Variants in KMO observed in about 807,000 individuals in gnomAD.
The protein encoded by KMO is kynurenine 3-hydroxylase.
Under a neutral mutation model 57.8 loss-of-function variants are expected in KMO, and 24 were observed. That is an observed-to-expected ratio of 0.42 (90% CI 0.30 to 0.58). KMO has a LOEUF of 0.58. Among genes scored for constraint, KMO ranks in the 20% least tolerant of loss-of-function variants. The probability of loss-of-function intolerance (pLI) is 0.22; values close to 1 mark genes in which losing one functional copy is unlikely to be tolerated. For missense variants in KMO, 483 were observed against 588.2 expected, an observed-to-expected ratio of 0.82 and a Z score of 1.85; for synonymous variants, 210 against 193.6, an observed-to-expected ratio of 1.08 and a Z score of -0.70.
chr1:241,554,222 TTTTCTTTCCTTCCTTCC>T (rs1661516248), intron 4 of KMO, among the ~76,000 whole-genome samples: 1 of 126,444 alleles, frequency 7.9e-6, no homozygotes, highest in Middle Eastern at 4.0e-3. Context: ...TACATAATAC[TTTTCTTTCCTTCCTTCC>T]TTCCTTCCTT....
intron 10 of KMO, 177 bp from the exon 11 acceptor site, chr1:241,586,502 G>C (rs761465474): frequency 1.7e-6 from 1 of 593,534 alleles, no homozygotes. Context: ...GTCCAGGCCC[G>C]ATGGTCATTT....
At chr1:241,577,845 C>G (rs1662587746) in intron 10 of KMO, among the ~76,000 whole-genome samples, 1 of 152,094 alleles carries the variant, frequency 6.6e-6, no homozygotes, top group Non-Finnish European at 1.5e-5. Flanking sequence ...TGGGGGAGCT[C>G]TCAGTGAAAC....
At chr1:241,564,631 C>T (rs1662005591) in intron 7 of KMO, among the ~76,000 whole-genome samples, 1 of 151,924 alleles carries the variant, frequency 6.6e-6, no homozygotes, top group Non-Finnish European at 1.5e-5. Flanking sequence ...ATGTACACAT[C>T]TAGATATGTG....
intron 4 of KMO, among the ~76,000 whole-genome samples, chr1:241,553,497 G>T (rs951108560): frequency 6.6e-6 from 1 of 152,118 alleles, no homozygotes; most frequent in African/African-American, 2.4e-5. Flanking sequence ...AACCAGCCTG[G>T]GCAACATGGC....
chr1:241,546,367 C>T (rs576028109), intron 1 of KMO, among the ~76,000 whole-genome samples: 1 of 152,178 alleles, frequency 6.6e-6, no homozygotes, highest in South Asian at 2.1e-4. Context: ...CAGGTCATCT[C>T]TCTGCGTCTC....
Position 241,594,109 on chromosome 1 carries a change from C to T in KMO, c.*1956C>T, listed in dbSNP as rs569265688. On this transcript the variant is annotated 3_prime_UTR_variant, in exon 15 of 15. Coordinates refer to ENST00000366559, the MANE Select transcript of KMO (RefSeq NM_003679.5). ...AGGTATTTTCGAGAAAAATGCATTA[C>T]GTGTTTTGGAAAATAGAGTAATTTA... The T allele has an allele frequency of 1.8e-3, 507 of 274,422 alleles. 14 individuals carry two copies. The South Asian group carries it at 0.033, about 18-fold the overall frequency. 17.0% of individuals were successfully genotyped at this position (274,422 alleles called of 1,614,324 possible). A position where few individuals can be genotyped will look rare whatever the true frequency, so the allele number is the denominator to read the frequency against.
intron 14 of KMO, among the ~76,000 whole-genome samples, chr1:241,591,376 C>T (rs1255161305): frequency 6.6e-6 from 1 of 151,080 alleles, no homozygotes. Context: ...TGTCCAATCT[C>T]TTGTGATGTG....
intron 1 of KMO, among the ~76,000 whole-genome samples, chr1:241,545,256 G>T (rs994644553): frequency 6.6e-6 from 1 of 152,176 alleles, no homozygotes; most frequent in Non-Finnish European, 1.5e-5. Context: ...GACAGATATT[G>T]ATTATAGAAT....
intron 1 of KMO, among the ~76,000 whole-genome samples, chr1:241,540,966 G>T (rs948812028): frequency 6.6e-6 from 1 of 152,114 alleles, no homozygotes; most frequent in African/African-American, 2.4e-5. Context: ...GGAGGCCAAG[G>T]CAGGAGATCA....
At chr1:241,559,753 G>A (rs973649385) in intron 5 of KMO, among the ~76,000 whole-genome samples, 3 of 152,018 alleles carry the variant, frequency 2.0e-5, no homozygotes, top group African/African-American at 4.8e-5. Flanking sequence ...TTTTATTTAC[G>A]TTTTTGACAT....
chr1:241,543,639 T>C (rs1661034072), intron 1 of KMO, among the ~76,000 whole-genome samples: 1 of 152,172 alleles, frequency 6.6e-6, no homozygotes, highest in African/African-American at 2.4e-5. Flanking sequence ...TATATGCCTT[T>C]AAGAGGAATT....
intron 10 of KMO, among the ~76,000 whole-genome samples, chr1:241,574,608 G>T (rs1240196619): frequency 2.0e-5 from 3 of 151,710 alleles, no homozygotes; most frequent in Non-Finnish European, 4.4e-5. Context: ...TGTATCCCTA[G>T]GATGAAATCC....
rs1427922771 is a variant in KMO, at chr1:241,594,142, T to G, written c.*1989T>G. Reference sequence around the variant, plus strand: ...GGAAAATAGAGTAATTTAAAAAATATATTTGAAATGAAAATCTCCAACACA... The same window carrying G: ...GGAAAATAGAGTAATTTAAAAAATAGATTTGAAATGAAAATCTCCAACACA... On this transcript the variant is annotated 3_prime_UTR_variant, in exon 15 of 15. Coordinates refer to ENST00000366559, the MANE Select transcript of KMO (RefSeq NM_003679.5). 9.0e-6 allele frequency: 3 copies of G among 333,040 alleles called. No homozygotes were observed. Among genetic ancestry groups the G allele is most frequent in the Non-Finnish European group, 1.6e-5 (3 of 184,856 alleles). 20.6% of individuals were successfully genotyped at this position (333,040 alleles called of 1,614,324 possible).
At chr1:241,545,769 G>A (rs1033186495) in intron 1 of KMO, among the ~76,000 whole-genome samples, 2 of 152,102 alleles carry the variant, frequency 1.3e-5, no homozygotes, top group Non-Finnish European at 2.9e-5. Context: ...GAGGTAGGGT[G>A]GCCCAGGAAA....
In KMO at chr1:241,592,455, G is replaced by C; in HGVS notation, c.*302G>C. ...GTAAGGCCCTAGATGCCTCAGGGAA[G>C]ACAGTAATCATGCCTTTTCTTTAAA... On this transcript the variant is annotated 3_prime_UTR_variant, in exon 15 of 15. Coordinates refer to ENST00000366559, the MANE Select transcript of KMO (RefSeq NM_003679.5). The C allele has an allele frequency of 5.6e-6, 2 of 356,970 alleles. No individual in the cohort carries two copies. Among genetic ancestry groups the C allele is most frequent in the South Asian group, 6.0e-5 (2 of 33,278 alleles). 22.1% of individuals were successfully genotyped at this position (356,970 alleles called of 1,614,324 possible). A position where few individuals can be genotyped will look rare whatever the true frequency, so the allele number is the denominator to read the frequency against.
intron 4 of KMO, among the ~76,000 whole-genome samples, chr1:241,553,683 T>C (rs1418471135): frequency 6.6e-6 from 1 of 152,168 alleles, no homozygotes; most frequent in East Asian, 1.9e-4. Context: ...CAAGACCCTG[T>C]CTCAAAAATT....
chr1:241,534,007 T>G (rs1369160707), intron 1 of KMO, among the ~76,000 whole-genome samples: 1 of 152,246 alleles, frequency 6.6e-6, no homozygotes, highest in East Asian at 1.9e-4. Context: ...AGGAACTGCC[T>G]GAGGCCAGAG....
In KMO at chr1:241,562,346, C is replaced by T. The variant is rs1001092407; in HGVS notation, c.615+14C>T. 1.1e-5 allele frequency: 18 copies of T among 1,612,966 alleles called. No individual in the cohort carries two copies. The highest frequency in any genetic ancestry group is 1.4e-5 in the Non-Finnish European group (17 of 1,179,202). On this transcript the variant is annotated intron_variant, in intron 7 of 14. Coordinates refer to ENST00000366559, the MANE Select transcript of KMO (RefSeq NM_003679.5). ...AAGAACGGAGATGTAAGTCCTTGCC[C>T]TTTTTCAACCCCTTCCCACAACCCT... is the stretch of plus-strand genomic sequence containing the variant.
chr1:241,561,991 T>C (rs1203792229), intron 6 of KMO, 176 bp from the exon 7 acceptor site: 2 of 595,032 alleles, frequency 3.4e-6, no homozygotes, highest in South Asian at 2.1e-5. Context: ...AACTTATGAC[T>C]GGGACAAGTG....
Sources: allele counts gnomAD v4.1 joint callset (sites outside exome capture counted in the v4.1 genomes callset), GRCh38; gene constraint gnomAD v4.1.1; transcripts MANE v1.5; gene names NCBI Gene and HGNC (gene_info 2026-07-23, HGNC 2026-07-21).